YTHDC1: variants seen among roughly 807,000 people sequenced by gnomAD.
YTHDC1 encodes the protein YTH N6-methyladenosine RNA binding protein C1.
In YTHDC1, 12 loss-of-function variants were observed where a neutral mutation model predicts 107.0. The ratio of observed to expected loss-of-function variants is 0.11; its 90% confidence interval spans 0.07 to 0.18. YTHDC1 has a LOEUF of 0.18. YTHDC1 is among the 10% of genes least tolerant of loss of function. YTHDC1 has a pLI of 1.00. For missense variants in YTHDC1, 635 were observed against 898.8 expected, an observed-to-expected ratio of 0.71 and a Z score of 3.75; for synonymous variants, 280 against 289.5, an observed-to-expected ratio of 0.97 and a Z score of 0.33.
chr4:68,345,029 T>C (rs1465241468), intron 1 of YTHDC1, among the ~76,000 whole-genome samples: 4 of 151,882 alleles, frequency 2.6e-5, no homozygotes, highest in Admixed American at 2.6e-4. Flanking sequence ...AGACCCTGTC[T>C]CCCCGCCAAC....
intron 9 of YTHDC1, 45 bp downstream of exon 9, chr4:68,329,957 G>T: frequency 7.2e-7 from 1 of 1,380,964 alleles, no homozygotes; most frequent in Non-Finnish European, 1.0e-6. Context: ...TAAACTGGTA[G>T]TGTATTCAAA....
intron 9 of YTHDC1, among the ~76,000 whole-genome samples, chr4:68,328,209 G>A (rs1723200777): frequency 6.6e-6 from 1 of 152,126 alleles, no homozygotes; most frequent in African/African-American, 2.4e-5. Flanking sequence ...AACAAAATCT[G>A]CTGCAACCCA....
chr4:68,345,425 A>C (rs1431279651), intron 1 of YTHDC1, among the ~76,000 whole-genome samples: 1 of 152,180 alleles, frequency 6.6e-6, no homozygotes, highest in African/African-American at 2.4e-5. Flanking sequence ...AATTCATTTA[A>C]TATAATTTTA....
At chr4:68,344,207 T>C (rs568351236) in intron 1 of YTHDC1, 1 of 147,954 alleles carries the variant, frequency 6.8e-6, no homozygotes, top group East Asian at 1.9e-4. Flanking sequence ...ATGCTGGCTC[T>C]TAAAAAAAAA....
chr4:68,328,878 T>A (rs1474505802), intron 9 of YTHDC1, among the ~76,000 whole-genome samples: 2 of 152,202 alleles, frequency 1.3e-5, no homozygotes, highest in Non-Finnish European at 2.9e-5. Context: ...CTGCACAGCA[T>A]GTTACTGTAT....
intron 16 of YTHDC1, chr4:68,316,100 T>TTGTGATTTGATCAGTAAAAGA (rs1400087445): frequency 2.2e-6 from 1 of 448,136 alleles, no homozygotes; most frequent in Non-Finnish European, 3.7e-6. Context: ...CTTAAGCAGT[T>TTGTGATTTGATCAGTAAAAGA]TGTGATTTGA....
rs748111740 is a variant in YTHDC1, at chr4:68,349,741, T to A, written c.13A>T (p.Ser5Cys). The A allele has an allele frequency of 3.1e-6, 5 of 1,611,036 alleles. No individual in the cohort carries two copies. The East Asian group carries it at 9.0e-5, about 29-fold the overall frequency. The change falls in exon 1 of 17, where the codon AGT becomes TGT. Residue 5 changes from serine to cysteine, a missense_variant. Ser to Cys is a moderately radical substitution (Grantham distance 112, BLOSUM62 -1). This residue lies in a region of YTHDC1 where 21 missense variants were observed against 21.4 expected (regional missense o/e 0.98). Transcript: ENST00000344157. ...CCGCACTAACCTTTCTCCTCCCGAC[T>A]GTCAGCCGCCATGGCTCCCCTTCGG... is the stretch of plus-strand genomic sequence containing the variant. Reference protein sequence around the residue: MAADSREEKDGELNV... With the variant: MAADCREEKDGELNV...
At chr4:68,330,158 A>C (rs1279635484) in intron 8 of YTHDC1, 39 bp from the exon 9 acceptor site, 2 of 1,577,218 alleles carry the variant, frequency 1.3e-6, no homozygotes, top group East Asian at 2.3e-5. Context: ...GTAGATGCTA[A>C]TATAATTAAT....
At chr4:68,320,862 A>G (rs1485440418) in intron 11 of YTHDC1, among the ~76,000 whole-genome samples, 2 of 152,090 alleles carry the variant, frequency 1.3e-5, no homozygotes, top group East Asian at 3.8e-4. Flanking sequence ...ATCTAATGAC[A>G]TTTAAGAATT....
chr4:68,341,435 A>G (rs779985478), intron 1 of YTHDC1, among the ~76,000 whole-genome samples: 4 of 152,174 alleles, frequency 2.6e-5, no homozygotes, highest in Non-Finnish European at 5.9e-5. Context: ...TGATGTACAC[A>G]CTTTTATCCG....
At position 68,337,803 on chromosome 4, in the gene YTHDC1, T is replaced by C. The variant is rs144269000; in HGVS notation, c.228A>G (p.Ser76=). Residue 76 remains serine (S), a synonymous_variant, in exon 3 of 17, where the codon TCA becomes TCG. Transcript: ENST00000344157. ...CTATTCTTTTGTTATTGCTAACAGATGAGCTCAGTGGCTTAGAAACCAGTT... is the reference window on the plus strand; with the variant it reads ...CTATTCTTTTGTTATTGCTAACAGACGAGCTCAGTGGCTTAGAAACCAGTT... ...SRQLVSKPLS[S]SVSNNKRIVS... is the part of the protein sequence containing the mutation. 36 of 1,614,128 alleles carry C rather than the reference T, an allele frequency of 2.2e-5. No individual in the cohort carries two copies. In the African/African-American group the frequency reaches 4.4e-4, roughly 20 times the overall value.
intron 1 of YTHDC1, among the ~76,000 whole-genome samples, chr4:68,342,016 T>C (rs1215616999): frequency 1.3e-5 from 2 of 152,204 alleles, no homozygotes; most frequent in African/African-American, 4.8e-5. Flanking sequence ...CTGGGCTATG[T>C]GATATATATA....
chr4:68,334,925 A>T (rs1378231385), intron 4 of YTHDC1, among the ~76,000 whole-genome samples: 1 of 152,156 alleles, frequency 6.6e-6, no homozygotes, highest in Non-Finnish European at 1.5e-5. Flanking sequence ...AAAATAACAG[A>T]AGCAGAAGAT....
At chr4:68,336,948 T>A (rs1236296811) in intron 4 of YTHDC1, 79 bp downstream of exon 4, 3 of 1,500,144 alleles carry the variant, frequency 2.0e-6, no homozygotes, top group Non-Finnish European at 8.9e-7. Context: ...TCCTCAACAA[T>A]TTTATAATTT....
intron 15 of YTHDC1, among the ~76,000 whole-genome samples, chr4:68,316,970 C>T (rs753610933): frequency 6.6e-5 from 10 of 152,164 alleles, no homozygotes; most frequent in Non-Finnish European, 7.3e-5. Context: ...TGGTGGCTCA[C>T]GCCCATATCC....
intron 1 of YTHDC1, among the ~76,000 whole-genome samples, chr4:68,348,396 T>C (rs1477279524): frequency 6.6e-6 from 1 of 151,494 alleles, no homozygotes; most frequent in African/African-American, 2.4e-5. Flanking sequence ...TTTTAATAAC[T>C]GAGTTAACTA....
intron 1 of YTHDC1, 38 bp from the exon 2 acceptor site, chr4:68,338,422 T>A: frequency 6.7e-7 from 1 of 1,488,096 alleles, no homozygotes; most frequent in South Asian, 1.2e-5. Flanking sequence ...GAAAAATCAC[T>A]ATCATTGAAC....
At chr4:68,349,309 C>T (rs1450232858) in intron 1 of YTHDC1, among the ~76,000 whole-genome samples, 1 of 152,200 alleles carries the variant, frequency 6.6e-6, no homozygotes, top group Non-Finnish European at 1.5e-5. Flanking sequence ...TGCTCACTTA[C>T]CACACCACCA....
At chr4:68,342,328 T>TGA (rs907302548) in intron 1 of YTHDC1, among the ~76,000 whole-genome samples, 91 of 152,252 alleles carry the variant, frequency 6.0e-4, no homozygotes, top group African/African-American at 2.0e-3. Flanking sequence ...TCTGTGTGTG[T>TGA]GATTACTCAT....
Sources: allele counts gnomAD v4.1 joint callset (sites outside exome capture counted in the v4.1 genomes callset), GRCh38; gene constraint gnomAD v4.1.1; regional missense constraint gnomAD v4.1.1; transcripts MANE v1.5; gene names NCBI Gene and HGNC (gene_info 2026-07-23, HGNC 2026-07-21).